LGR5: variants seen among roughly 807,000 people sequenced by gnomAD.
The protein encoded by LGR5 is leucine-rich repeat-containing G protein-coupled receptor 5.
In LGR5, 54 loss-of-function variants were observed where a neutral mutation model predicts 76.7. That is an observed-to-expected ratio of 0.70 (90% CI 0.57 to 0.88). The LOEUF (loss-of-function observed/expected upper bound fraction) is 0.88, where lower values mean the gene tolerates loss of function less well. Ranked by LOEUF, LGR5 falls within the 40% of genes least tolerant of loss-of-function variation. The probability of loss-of-function intolerance (pLI) is 0.00; values close to 1 mark genes in which losing one functional copy is unlikely to be tolerated. For synonymous variants in LGR5, 406 were observed against 421.9 expected, an observed-to-expected ratio of 0.96 and a Z score of 0.46; for missense variants, 1,078 against 1,073.3, an observed-to-expected ratio of 1.00 and a Z score of -0.06.
chr12:71,510,459 A>T (rs1310357376), intron 2 of LGR5, among the ~76,000 whole-genome samples: 3 of 151,992 alleles, frequency 2.0e-5, no homozygotes, highest in Non-Finnish European at 4.4e-5. Flanking sequence ...ATTCTCCCCC[A>T]CCACCTATAA....
intron 7 of LGR5, 130 bp downstream of exon 7, chr12:71,559,784 C>T: frequency 1.9e-6 from 1 of 532,256 alleles, no homozygotes; most frequent in Non-Finnish European, 3.4e-6. Flanking sequence ...TGATAAAGTA[C>T]ACTTGAAATA....
intron 1 of LGR5, among the ~76,000 whole-genome samples, chr12:71,502,949 A>G (rs993044116): frequency 7.9e-5 from 12 of 152,264 alleles, no homozygotes; most frequent in African/African-American, 2.9e-4. Flanking sequence ...AAAATATGAG[A>G]GAAAATCTAT....
intron 1 of LGR5, among the ~76,000 whole-genome samples, chr12:71,503,300 C>A (rs1874697734): frequency 6.6e-6 from 1 of 152,068 alleles, no homozygotes; most frequent in South Asian, 2.1e-4. Context: ...GGAATATGGA[C>A]AATGCAAAAA....
chr12:71,566,349 A>G (rs1878338666), intron 8 of LGR5, 55 bp from the exon 9 acceptor site: 2 of 1,081,792 alleles, frequency 1.8e-6, no homozygotes, highest in African/African-American at 3.1e-5. Context: ...TTGAACAGAT[A>G]TTCATCTTTC....
chr12:71,476,469 A>G (rs1460229728), intron 1 of LGR5, among the ~76,000 whole-genome samples: 1 of 152,180 alleles, frequency 6.6e-6, no homozygotes. Flanking sequence ...TAACTGGAGA[A>G]GTCTGGGTCA....
intron 2 of LGR5, among the ~76,000 whole-genome samples, chr12:71,515,465 G>A (rs1052360166): frequency 1.3e-5 from 2 of 152,170 alleles, no homozygotes; most frequent in African/African-American, 4.8e-5. Flanking sequence ...TTAAATGATA[G>A]TTTAACAGCA....
At chr12:71,515,928 G>A (rs141094728) in intron 2 of LGR5, among the ~76,000 whole-genome samples, 1 of 152,120 alleles carries the variant, frequency 6.6e-6, no homozygotes, top group African/African-American at 2.4e-5. Context: ...AATAAATAAG[G>A]AAAGCAACAA....
intron 1 of LGR5, among the ~76,000 whole-genome samples, chr12:71,472,917 T>C (rs1199319216): frequency 6.6e-6 from 1 of 152,174 alleles, no homozygotes; most frequent in African/African-American, 2.4e-5. Flanking sequence ...AAAAGGACAA[T>C]GCAAACCTAA....
intron 1 of LGR5, among the ~76,000 whole-genome samples, chr12:71,467,300 C>T (rs4394928): frequency 0.11 from 16,481 of 152,088 alleles, 1,225 homozygotes; most frequent in East Asian, 0.27. Context: ...TTTAAAGTTA[C>T]TTTAAAAGGT....
intron 1 of LGR5, among the ~76,000 whole-genome samples, chr12:71,443,654 G>A (rs1456123498): frequency 6.6e-6 from 1 of 152,084 alleles, no homozygotes. Flanking sequence ...ATCAAATGTG[G>A]ACATTTTTAT....
chr12:71,485,462 A>T (rs182731516), intron 1 of LGR5, among the ~76,000 whole-genome samples: 1 of 152,344 alleles, frequency 6.6e-6, no homozygotes, highest in East Asian at 1.9e-4. Context: ...CATGCCTGTA[A>T]TCCCAGGACT....
At chr12:71,529,956 C>CA (rs34678480) in intron 3 of LGR5, among the ~76,000 whole-genome samples, 2,724 of 91,288 alleles carry the variant, frequency 0.03, 42 homozygotes, top group Middle Eastern at 0.12. Flanking sequence ...ATTCTGTCTC[C>CA]AAAAAAAAAA....
Position 71,580,323 on chromosome 12 carries a change from G to A in LGR5, c.1452G>A (p.Val484=), listed in dbSNP as rs1156850200. Residue 484 remains valine, a synonymous_variant, in exon 16 of 18, where the codon GTG becomes GTA. Coordinates refer to ENST00000266674, the MANE Select transcript of LGR5 (RefSeq NM_003667.4). ...PYAYQCCAFG[V]CENAYKISNQ... ...CTTACCAGTGCTGTGCATTTGGAGTGTGTGAGAATGCCTATAAGATTTCTA... is the reference window on the plus strand; with the variant it reads ...CTTACCAGTGCTGTGCATTTGGAGTATGTGAGAATGCCTATAAGATTTCTA... 1 of 1,613,860 alleles carries A rather than the reference G, an allele frequency of 6.2e-7. No individual in the cohort carries two copies. The highest frequency in any genetic ancestry group is 1.3e-5 in the African/African-American group (1 of 74,918).
intron 14 of LGR5, 48 bp downstream of exon 14, chr12:71,578,044 A>T: frequency 7.3e-7 from 1 of 1,377,556 alleles, no homozygotes; most frequent in East Asian, 2.3e-5. Context: ...ATAATTGAGG[A>T]CCATCTAGTT....
chr12:71,551,494 T>C (rs1323496720), intron 4 of LGR5, among the ~76,000 whole-genome samples: 1 of 152,144 alleles, frequency 6.6e-6, no homozygotes, highest in East Asian at 1.9e-4. Context: ...CAACTCTTCT[T>C]TTTTTTAATC....
At chr12:71,567,860 C>A (rs1354613256) in intron 11 of LGR5, among the ~76,000 whole-genome samples, 1 of 151,992 alleles carries the variant, frequency 6.6e-6, no homozygotes, top group Non-Finnish European at 1.5e-5. Context: ...CCTACCCCAT[C>A]CCACCCCATG....
chr12:71,473,138 T>G (rs1366047956), intron 1 of LGR5, among the ~76,000 whole-genome samples: 1 of 152,168 alleles, frequency 6.6e-6, no homozygotes, highest in Non-Finnish European at 1.5e-5. Flanking sequence ...GAGATTACAA[T>G]CTAGTCTGAA....
chr12:71,502,384 G>C (rs1036637490), intron 1 of LGR5, among the ~76,000 whole-genome samples: 7 of 151,894 alleles, frequency 4.6e-5, no homozygotes, highest in African/African-American at 1.7e-4. Context: ...TTTTAGTAGA[G>C]ATGGGGTCTC....
chr12:71,549,862 T>A (rs1877387257), intron 4 of LGR5, among the ~76,000 whole-genome samples: 1 of 152,090 alleles, frequency 6.6e-6, no homozygotes, highest in Admixed American at 6.5e-5. Flanking sequence ...TGAAGAATTC[T>A]CCTGTCTTAC....
Sources: gnomAD v4.1 joint callset for allele counts (sites outside exome capture counted in the v4.1 genomes callset) on GRCh38, gnomAD v4.1.1 for gene constraint, MANE v1.5 for transcripts, NCBI Gene and HGNC (gene_info 2026-07-23, HGNC 2026-07-21) for gene names.